LRP12: variants seen among roughly 807,000 people sequenced by gnomAD.
LRP12 encodes low-density lipoprotein receptor-related protein 12.
Under a neutral mutation model 66.0 loss-of-function variants are expected in LRP12, and 14 were observed. The observed-to-expected ratio is 0.21, with a 90% confidence interval of 0.14 to 0.33. The LOEUF is 0.33. Ranked by LOEUF, LRP12 falls within the 10% of genes least tolerant of loss-of-function variation. The pLI is 1.00. For synonymous variants in LRP12, 357 were observed against 359.1 expected (o/e 0.99, Z 0.07); for missense variants, 889 against 1,053.4 (o/e 0.84, Z 2.16).
At chr8:104,588,706 G>A (rs548717803) in intron 1 of LRP12, 113 bp downstream of exon 1, 7 of 803,912 alleles carry the variant, frequency 8.7e-6, no homozygotes, top group African/African-American at 7.1e-5. Context: ...TTGTCCCGCC[G>A]GTAGCCAGGG....
rs558975113 is a variant in LRP12, at chr8:104,531,482, C to T, written c.136+425G>A. 8.5e-5 allele frequency among the ~76,000 whole-genome samples: 13 copies of T among 152,058 alleles called. No individual in the cohort carries two copies. In the South Asian group the frequency reaches 1.0e-3, roughly 12 times the overall value. ...TGCTTTTAACAGCAAATAAACTGTG[C>T]GCTCAAATACAATAGTTATATGTAG... On this transcript the variant is annotated intron_variant, in intron 2 of 6. Transcript: ENST00000276654.
chr8:104,542,637 CTT>C (rs1774009796), intron 1 of LRP12, among the ~76,000 whole-genome samples: 1 of 152,134 alleles, frequency 6.6e-6, no homozygotes, highest in Non-Finnish European at 1.5e-5. Flanking sequence ...CTGCATATAA[CTT>C]TTGATTCCCC....
rs112084544 is a variant in LRP12, at chr8:104,497,733, G to A, written c.819C>T (p.Pro273=). Residue 273 remains proline, a synonymous_variant, in exon 5 of 7, where the codon CCC becomes CCT. Transcript: ENST00000276654. The surrounding 1 kb of genome is among the most constrained non-coding windows in gnomAD (Gnocchi z 4.3). The part of the protein sequence containing the change: ...LKYFYGTFNS[P]NYPDFYPPGS... ...CAGGAGGATAAAAGTCTGGATAATT[G>A]GGAGAATTAAAAGTACCATAAAAAT... is the stretch of plus-strand genomic sequence containing the variant. The A allele has an allele frequency of 1.2e-6, 2 of 1,613,650 alleles. No individual in the cohort carries two copies.
At chr8:104,496,758 T>C (rs772776493) in intron 5 of LRP12, among the ~76,000 whole-genome samples, 1 of 152,216 alleles carries the variant, frequency 6.6e-6, no homozygotes, top group Non-Finnish European at 1.5e-5. Flanking sequence ...GGTAAATAGA[T>C]GGGCTTTTTC....
intron 2 of LRP12, among the ~76,000 whole-genome samples, chr8:104,522,206 G>C (rs1437185510): frequency 2.0e-5 from 3 of 151,994 alleles, no homozygotes; most frequent in Non-Finnish European, 4.4e-5. Context: ...TAACTAATCT[G>C]AAAGCAAATT....
intron 4 of LRP12, 21 bp downstream of exon 4, chr8:104,499,296 C>A (rs760566760): frequency 6.3e-7 from 1 of 1,590,194 alleles, no homozygotes; most frequent in Non-Finnish European, 8.6e-7. Flanking sequence ...AGTTCAATAT[C>A]TTTCTTATTT....
chr8:104,562,271 T>G (rs1014254320), intron 1 of LRP12, among the ~76,000 whole-genome samples: 2 of 152,106 alleles, frequency 1.3e-5, no homozygotes, highest in Non-Finnish European at 2.9e-5. Context: ...CAATACAAAT[T>G]AGGTATTATT....
chr8:104,580,930 G>A (rs937731694), intron 1 of LRP12, among the ~76,000 whole-genome samples: 5 of 152,130 alleles, frequency 3.3e-5, no homozygotes, highest in African/African-American at 1.2e-4. Context: ...CCCATTACTG[G>A]GAATACACCC....
rs1225667766 is a variant in LRP12, at chr8:104,490,884, T to C, written c.2369A>G (p.Asp790Gly). ...AAGATCAAGAAGAGGTCTGGAGCAG[T>C]CATTCACATCAAAGTCTGAAGATCC... ...SDGSSDFDVN[D>G]CSRPLLDLAS... is the part of the protein sequence containing the mutation. The change falls in exon 7 of 7, where the codon GAC becomes GGC. Residue 790 changes from aspartate to glycine, a missense_variant. Transcript: ENST00000276654. The C allele has an allele frequency of 1.2e-6, 2 of 1,614,014 alleles. No individual in the cohort carries two copies. Among genetic ancestry groups the C allele is most frequent in the East Asian group, 2.2e-5 (1 of 44,888 alleles).
At chr8:104,571,118 A>G (rs1812074016) in intron 1 of LRP12, among the ~76,000 whole-genome samples, 2 of 152,222 alleles carry the variant, frequency 1.3e-5, no homozygotes, top group Admixed American at 1.3e-4. Context: ...GCTAGTCAGA[A>G]TGCAAACTGA....
At chr8:104,514,974 G>A (rs1161358365) in intron 2 of LRP12, among the ~76,000 whole-genome samples, 2 of 152,182 alleles carry the variant, frequency 1.3e-5, no homozygotes, top group Non-Finnish European at 2.9e-5. Flanking sequence ...AAGAGGATGT[G>A]TGATTGTTTA....
intron 1 of LRP12, among the ~76,000 whole-genome samples, chr8:104,535,578 G>C (rs72679139): frequency 0.23 from 34,710 of 151,816 alleles, 3,994 homozygotes; most frequent in Middle Eastern, 0.3. Flanking sequence ...GATTTGATAG[G>C]TATGTACCAG....
intron 2 of LRP12, among the ~76,000 whole-genome samples, chr8:104,522,887 G>T (rs1294746091): frequency 6.6e-6 from 1 of 151,968 alleles, no homozygotes; most frequent in Non-Finnish European, 1.5e-5. Context: ...AAAAGGTTGA[G>T]ACTTTAATGG....
chr8:104,503,306 G>A (rs1477423042), intron 3 of LRP12, among the ~76,000 whole-genome samples: 2 of 107,052 alleles, frequency 1.9e-5, no homozygotes, highest in Admixed American at 1.5e-4. Context: ...CAGCCTGGGT[G>A]ACAAAGCGAG....
intron 2 of LRP12, among the ~76,000 whole-genome samples, chr8:104,521,448 G>T (rs1038681419): frequency 6.6e-6 from 1 of 151,196 alleles, no homozygotes. Flanking sequence ...CATTGGCCAT[G>T]ATTCAATTAT....
chr8:104,565,292 C>T (rs67341229), intron 1 of LRP12, among the ~76,000 whole-genome samples: 36,319 of 151,912 alleles, frequency 0.24, 4,420 homozygotes, highest in Middle Eastern at 0.31. Flanking sequence ...AAATAGCAAA[C>T]GGTAATAATG....
intron 2 of LRP12, among the ~76,000 whole-genome samples, chr8:104,523,460 T>G (rs7842135): frequency 0.031 from 4,665 of 152,262 alleles, 240 homozygotes; most frequent in African/African-American, 0.11. Context: ...ATTAATTATA[T>G]GACATACTAT....
intron 6 of LRP12, among the ~76,000 whole-genome samples, chr8:104,493,824 G>T (rs557101532): frequency 6.6e-6 from 1 of 152,190 alleles, no homozygotes; most frequent in Non-Finnish European, 1.5e-5. Context: ...ATGCCCTCCT[G>T]CCTCTATGGG....
rs376257774 is a variant in LRP12 at position 104,492,771 on chromosome 8, T to C, written c.1714-1232A>G. Among the ~76,000 whole-genome samples, 31 of 152,198 alleles carry C rather than the reference T, an allele frequency of 2.0e-4. No homozygotes were observed. The South Asian group carries it at 2.9e-3, about 14-fold the overall frequency. On this transcript the variant is annotated intron_variant, in intron 6 of 6. Coordinates refer to ENST00000276654, the MANE Select transcript of LRP12 (RefSeq NM_013437.5). ...AAGGCACAGATTGTCAATAAGAAAT[T>C]TGGATATCAGCACACATGGATTTGC...
Sources: gnomAD v4.1 joint callset for allele counts (sites outside exome capture counted in the v4.1 genomes callset) on GRCh38, gnomAD v4.1.1 for gene constraint, Gnocchi (gnomAD v3.1) non-coding constraint, MANE v1.5 for transcripts, NCBI Gene and HGNC (gene_info 2026-07-23, HGNC 2026-07-21) for gene names.